The following ROBO2 variants were observed in gnomAD, a reference collection of about 807,000 sequenced individuals.
ROBO2 encodes roundabout guidance receptor 2.
Under a neutral mutation model 160.8 loss-of-function variants are expected in ROBO2, and 53 were observed. The ratio of observed to expected loss-of-function variants is 0.33; its 90% CI spans 0.26 to 0.41. ROBO2 has a LOEUF of 0.41. ROBO2 is among the 10% of genes least tolerant of loss of function. The pLI is 1.00. For missense variants in ROBO2, 1,577 were observed against 1,722.4 expected (o/e 0.92, Z 1.49); for synonymous variants, 664 against 611.7 (o/e 1.09, Z -1.26).
intron 2 of ROBO2, among the ~76,000 whole-genome samples, chr3:77,323,760 C>G (rs1178639881): frequency 1.3e-5 from 2 of 152,156 alleles, no homozygotes; most frequent in Non-Finnish European, 2.9e-5. Context: ...ACCATACACA[C>G]ACACACAATT....
chr3:76,261,443 G>A (rs892122352), intron 2 of ROBO2, among the ~76,000 whole-genome samples: 1 of 151,500 alleles, frequency 6.6e-6, no homozygotes, highest in Non-Finnish European at 1.5e-5. Flanking sequence ...CATTTTTTTG[G>A]GGGGGAACTA....
chr3:76,106,421 A>G (rs2069935375), intron 2 of ROBO2, among the ~76,000 whole-genome samples: 2 of 152,282 alleles, frequency 1.3e-5, no homozygotes, highest in South Asian at 2.1e-4. Flanking sequence ...GAAAATATAC[A>G]TGTATATATA....
At chr3:77,476,031 T>C (rs975720123) in intron 2 of ROBO2, among the ~76,000 whole-genome samples, 3 of 152,168 alleles carry the variant, frequency 2.0e-5, no homozygotes, top group Non-Finnish European at 4.4e-5. Flanking sequence ...AGAGACAAGG[T>C]GCTCTAATCT....
Position 75,925,403 on chromosome 3 carries a change from G to A in ROBO2, c.-13-12078G>A, listed in dbSNP as rs533926346. Among the ~76,000 whole-genome samples, 3 of 152,146 alleles carry A rather than the reference G, an allele frequency of 2.0e-5. No homozygotes were observed. The South Asian group carries it at 6.2e-4, about 32-fold the overall frequency. On this transcript the variant is annotated intron_variant, in intron 1 of 26. Coordinates refer to the ROBO2 transcript ENST00000487694. ...AGACCCTGTCTCCATTCAATAAATA[G>A]ATAAATAAATAAAAGGGGAGGGTGT...
intron 2 of ROBO2, among the ~76,000 whole-genome samples, chr3:77,213,407 A>G (rs1227276360): frequency 4.6e-5 from 7 of 151,938 alleles, no homozygotes; most frequent in South Asian, 2.1e-4. Context: ...TTGTATTTCT[A>G]TGGGATCGGT....
At chr3:76,094,720 A>G (rs549950732) in intron 2 of ROBO2, among the ~76,000 whole-genome samples, 1 of 152,352 alleles carries the variant, frequency 6.6e-6, no homozygotes, top group African/African-American at 2.4e-5. Context: ...TAACAAAACT[A>G]TGTAAATATT....
intron 2 of ROBO2, among the ~76,000 whole-genome samples, chr3:76,446,854 C>T (rs1284446508): frequency 6.6e-6 from 1 of 152,158 alleles, no homozygotes; most frequent in Non-Finnish European, 1.5e-5. Context: ...AAAGTTGAAA[C>T]TGGATCCCTT....
chr3:77,277,172 CTTTCTTTCT>C (rs1449582766), intron 2 of ROBO2, among the ~76,000 whole-genome samples: 26 of 96,872 alleles, frequency 2.7e-4, no homozygotes, highest in African/African-American at 1.2e-3. Flanking sequence ...TTCTTTCTTT[CTTTCTTTCT>C]TTCTTTCTTT....
intron 24 of ROBO2, among the ~76,000 whole-genome samples, chr3:77,644,257 T>C (rs1408565723): frequency 6.6e-6 from 1 of 152,180 alleles, no homozygotes; most frequent in Non-Finnish European, 1.5e-5. Context: ...TTAACTAATA[T>C]ATAGTTCTTT....
chr3:76,022,854 G>A lies in ROBO2; in HGVS notation c.109+85252G>A, dbSNP rs867592959. On this transcript the variant is annotated intron_variant, in intron 2 of 26. Coordinates refer to the ROBO2 transcript ENST00000487694. ...CTGTCCTTTGAAGCTTTAAAGCCAG[G>A]CATTGACTTATTTTCTAGCCATGAA... 6.6e-5 allele frequency among the ~76,000 whole-genome samples: 10 copies of A among 151,776 alleles called. No individual in the cohort carries two copies. The South Asian group carries it at 1.0e-3, about 16-fold the overall frequency.
At chr3:75,912,199 C>G (rs1407447920) in intron 1 of ROBO2, among the ~76,000 whole-genome samples, 1 of 152,124 alleles carries the variant, frequency 6.6e-6, no homozygotes, top group Admixed American at 6.5e-5. Context: ...TGCTAGATCA[C>G]AGGACAAAGT....
At chr3:77,493,151 G>A (rs1045984777) in intron 4 of ROBO2, 93 bp from the exon 5 acceptor site, 2 of 1,387,386 alleles carry the variant, frequency 1.4e-6, no homozygotes, top group Non-Finnish European at 2.0e-6. Context: ...TGTACCAAAA[G>A]TAAATTAGGT....
chr3:77,197,417 A>T (rs1467982082), intron 2 of ROBO2, among the ~76,000 whole-genome samples: 1 of 152,236 alleles, frequency 6.6e-6, no homozygotes, highest in African/African-American at 2.4e-5. Context: ...GCAACTTGCT[A>T]TTAAGCATCA....
intron 24 of ROBO2, among the ~76,000 whole-genome samples, chr3:77,638,863 G>A (rs1207349353): frequency 1.1e-5 from 1 of 94,452 alleles, no homozygotes; most frequent in Non-Finnish European, 1.9e-5. Flanking sequence ...TTTTGTTCCT[G>A]TCACCCAGGC....
intron 2 of ROBO2, among the ~76,000 whole-genome samples, chr3:76,118,235 C>T (rs2070562709): frequency 6.6e-6 from 1 of 152,090 alleles, no homozygotes; most frequent in South Asian, 2.1e-4. Context: ...CTACCAGGCA[C>T]AAATTGAGAG....
chr3:76,515,378 C>A (rs2081300319), intron 2 of ROBO2, among the ~76,000 whole-genome samples: 1 of 152,092 alleles, frequency 6.6e-6, no homozygotes, highest in Admixed American at 6.6e-5. Flanking sequence ...ATTTTATTCT[C>A]AAATGTATAT....
intron 2 of ROBO2, among the ~76,000 whole-genome samples, chr3:77,152,584 C>T (rs976202600): frequency 2.6e-5 from 4 of 152,152 alleles, no homozygotes; most frequent in Admixed American, 1.3e-4. Flanking sequence ...TGAGTATGTT[C>T]GTTGTATCAA....
At position 76,825,603 on chromosome 3, in the gene ROBO2, C is replaced by CAAAAA. The variant is rs201063990; in HGVS notation, c.110-272386_110-272382dup. Reference sequence around the variant, plus strand: ...GAGTCTACCCTTTCATCATCTTAGCCAAAAAAAAAAAAAAAAAAAAAAAAA... The same window carrying CAAAAA: ...GAGTCTACCCTTTCATCATCTTAGCCAAAAAAAAAAAAAAAAAAAAAAAAAAAAAA... On this transcript the variant is annotated intron_variant, in intron 2 of 26. Coordinates refer to the ROBO2 transcript ENST00000487694. Among the ~76,000 whole-genome samples, 133 of 72,470 alleles carry CAAAAA rather than the reference C, an allele frequency of 1.8e-3. 8 individuals are homozygous for CAAAAA. The highest frequency in any genetic ancestry group is 7.1e-3 in the African/African-American group (84 of 11,774). The allele number at this position is 72,470 out of a possible 152,430, so 47.5% of individuals were successfully genotyped here. A position where few individuals can be genotyped will look rare whatever the true frequency, so the allele number is the denominator to read the frequency against.
intron 2 of ROBO2, among the ~76,000 whole-genome samples, chr3:75,963,607 A>T (rs1246055801): frequency 1.3e-5 from 2 of 151,844 alleles, no homozygotes; most frequent in African/African-American, 4.8e-5. Flanking sequence ...AAAGTCCATT[A>T]TGTCCTTTAC....
Sources: allele counts gnomAD v4.1 joint callset (sites outside exome capture counted in the v4.1 genomes callset), GRCh38; gene constraint gnomAD v4.1.1; transcripts MANE v1.5; gene names NCBI Gene and HGNC (gene_info 2026-07-23, HGNC 2026-07-21).